CAST: variants seen among roughly 807,000 people sequenced by gnomAD.
The protein encoded by CAST is MIR583 host.
In CAST, 76 loss-of-function variants were observed where a neutral mutation model predicts 119.6. That is an observed-to-expected ratio of 0.64 (90% CI 0.53 to 0.77). CAST has a LOEUF of 0.77. Among genes scored for constraint, CAST ranks in the 30% least tolerant of loss-of-function variants. The probability of loss-of-function intolerance (pLI) is 0.00; values close to 1 mark genes in which losing one functional copy is unlikely to be tolerated. For missense variants in CAST, 953 were observed against 946.5 expected (o/e 1.01, Z -0.09); for synonymous variants, 319 against 331.6 (o/e 0.96, Z 0.41).
At chr5:96,073,672 C>T in the CAST span, among the ~76,000 whole-genome samples, 1 of 152,138 alleles carries the variant, frequency 6.6e-6, no homozygotes, top group African/African-American at 2.4e-5. Context: ...CTTGCATGCA[C>T]AGTTCACAAT....
chr5:96,207,494 C>A, the CAST span, among the ~76,000 whole-genome samples: 1 of 151,880 alleles, frequency 6.6e-6, no homozygotes, highest in Non-Finnish European at 1.5e-5. Context: ...TGGTTTGTTG[C>A]AAGTTTTTAA....
chr5:96,105,708 T>A, the CAST span, among the ~76,000 whole-genome samples: 1 of 152,218 alleles, frequency 6.6e-6, no homozygotes, highest in Non-Finnish European at 1.5e-5. Context: ...TTTTTGATTG[T>A]GTCTCTGCCC....
chr5:96,218,662 G>T, the CAST span, among the ~76,000 whole-genome samples: 1 of 152,080 alleles, frequency 6.6e-6, no homozygotes, highest in East Asian at 1.9e-4. Flanking sequence ...CAGTTTATTT[G>T]TTCATTAATT....
At chr5:96,693,864 T>C (rs1469763506) in intron 2 of CAST, among the ~76,000 whole-genome samples, 1 of 152,216 alleles carries the variant, frequency 6.6e-6, no homozygotes, top group Non-Finnish European at 1.5e-5. Flanking sequence ...CACATTTATC[T>C]AGGTTTTTTT....
At chr5:96,414,434 T>C in the CAST span, among the ~76,000 whole-genome samples, 1 of 152,200 alleles carries the variant, frequency 6.6e-6, no homozygotes, top group African/African-American at 2.4e-5. Flanking sequence ...AGCTTGAAAC[T>C]GGGGAGCCAG....
chr5:96,538,173 G>C (rs115466868), intron 1 of CAST, among the ~76,000 whole-genome samples: 2 of 152,140 alleles, frequency 1.3e-5, no homozygotes, highest in Non-Finnish European at 2.9e-5. Context: ...GCCTTCCCGC[G>C]AGTAGCTTCC....
chr5:96,123,805 C>T, the CAST span, among the ~76,000 whole-genome samples: 1 of 152,166 alleles, frequency 6.6e-6, no homozygotes, highest in African/African-American at 2.4e-5. Context: ...AAATGAAAAA[C>T]TTTACATTAA....
At chr5:95,976,557 A>T in the CAST span, among the ~76,000 whole-genome samples, 1 of 152,142 alleles carries the variant, frequency 6.6e-6, no homozygotes, top group East Asian at 1.9e-4. Flanking sequence ...AGAATCTTCC[A>T]GATATGGAAA....
upstream of CAST, among the ~76,000 whole-genome samples, chr5:96,659,456 T>G (rs1349773370): frequency 1.3e-5 from 2 of 152,366 alleles, no homozygotes; most frequent in East Asian, 3.9e-4. Context: ...CATCTGTTAC[T>G]GAGTAAATAA....
intron 1 of CAST, among the ~76,000 whole-genome samples, chr5:96,567,217 A>C (rs1326801892): frequency 6.6e-6 from 1 of 152,170 alleles, no homozygotes; most frequent in Non-Finnish European, 1.5e-5. Flanking sequence ...CCTCTCCTCA[A>C]GATCTTAATT....
chr5:96,110,608 T>A, the CAST span, among the ~76,000 whole-genome samples: 1 of 152,220 alleles, frequency 6.6e-6, no homozygotes, highest in East Asian at 1.9e-4. Flanking sequence ...GTACAAGGAA[T>A]CAGGAAAGAG....
At chr5:96,438,909 A>G in the CAST span, among the ~76,000 whole-genome samples, 150 of 152,310 alleles carry the variant, frequency 9.8e-4, 1 homozygote, top group African/African-American at 3.5e-3. Context: ...GATATTCATA[A>G]CTTCTCATTC....
At chr5:96,697,132 C>A (rs1753395812) in intron 3 of CAST, among the ~76,000 whole-genome samples, 1 of 151,904 alleles carries the variant, frequency 6.6e-6, no homozygotes, top group Non-Finnish European at 1.5e-5. Flanking sequence ...AGCGCCACTG[C>A]ACTCCAGCCT....
chr5:96,410,827 A>G, the CAST span: 2 of 1,614,106 alleles, frequency 1.2e-6, no homozygotes, highest in Non-Finnish European at 1.7e-6. Flanking sequence ...AGTGTGGAGG[A>G]GCACTTCTCA....
chr5:96,767,261 A>G (rs1014860198), intron 27 of CAST, among the ~76,000 whole-genome samples, 177 bp from the exon 28 acceptor site: 1 of 152,236 alleles, frequency 6.6e-6, no homozygotes, highest in African/African-American at 2.4e-5. Flanking sequence ...ATTATAAAGA[A>G]TAGTAATTAA....
chr5:96,396,548 C>A, the CAST span, among the ~76,000 whole-genome samples: 425 of 128,350 alleles, frequency 3.3e-3, 4 homozygotes, highest in Non-Finnish European at 1.1e-3. Context: ...GGTGACAGAG[C>A]AAGACTCCGT....
chr5:96,664,342 CAT>C (rs981704167), intron 1 of CAST, among the ~76,000 whole-genome samples: 3 of 150,414 alleles, frequency 2.0e-5, no homozygotes, highest in African/African-American at 7.4e-5. Flanking sequence ...TATGTGTGTG[CAT>C]ATATATGTAA....
In CAST at chr5:96,555,849, T is replaced by A. The variant is rs527883183; in HGVS notation, c.60+25969T>A. ...GCAGAAACCTCTGCAGACTTAAATGTCCCTGTCTGACAGCTTTGAAGAGAG... is the reference window on the plus strand; with the variant it reads ...GCAGAAACCTCTGCAGACTTAAATGACCCTGTCTGACAGCTTTGAAGAGAG... On this transcript the variant is annotated intron_variant, in intron 1 of 11. Transcript: ENST00000505143. Among the ~76,000 whole-genome samples, 74 of 152,280 alleles carry A rather than the reference T, an allele frequency of 4.9e-4. No individual in the cohort carries two copies. The South Asian group carries it at 0.015, about 31-fold the overall frequency.
chr5:96,749,634 T>G (rs1227499968), intron 19 of CAST, among the ~76,000 whole-genome samples: 1 of 152,182 alleles, frequency 6.6e-6, no homozygotes, highest in African/African-American at 2.4e-5. Flanking sequence ...CCAGCCTCAA[T>G]CTTCCAGGCC....
Sources: allele counts gnomAD v4.1 joint callset (sites outside exome capture counted in the v4.1 genomes callset), GRCh38; gene constraint gnomAD v4.1.1; transcripts MANE v1.5; gene names NCBI Gene and HGNC (gene_info 2026-07-23, HGNC 2026-07-21).